Variants in DDX4 observed in about 807,000 individuals in gnomAD.
The protein encoded by DDX4 is probable ATP-dependent RNA helicase DDX4.
In DDX4, 25 loss-of-function variants were observed where a neutral mutation model predicts 100.0. That is an observed-to-expected ratio of 0.25 (90% CI 0.18 to 0.35). The LOEUF (loss-of-function observed/expected upper bound fraction) is 0.35. Among genes scored for constraint, DDX4 ranks in the 10% least tolerant of loss-of-function variants. The pLI, the probability that DDX4 is intolerant of heterozygous loss-of-function variation, is 1.00. For synonymous variants in DDX4, 259 were observed against 275.7 expected, an observed-to-expected ratio of 0.94 and a Z score of 0.60; for missense variants, 635 against 882.4, an observed-to-expected ratio of 0.72 and a Z score of 3.55.
intron 9 of DDX4, among the ~76,000 whole-genome samples, chr5:55,781,361 G>A (rs1741900242): frequency 6.6e-6 from 1 of 152,222 alleles, no homozygotes; most frequent in Non-Finnish European, 1.5e-5. Flanking sequence ...CAGTTAATTT[G>A]AGGTGTGAAT....
chr5:55,778,443 A>G (rs1318902011), intron 7 of DDX4, among the ~76,000 whole-genome samples: 1 of 152,238 alleles, frequency 6.6e-6, no homozygotes, highest in Non-Finnish European at 1.5e-5. Context: ...TTCTCAGAAA[A>G]AATAATGAGT....
intron 17 of DDX4, among the ~76,000 whole-genome samples, chr5:55,794,357 T>TTC (rs1043275074): frequency 6.7e-6 from 1 of 149,968 alleles, no homozygotes; most frequent in African/African-American, 2.4e-5. Context: ...CTGGTTAATT[T>TTC]TTTTTTTTTT....
chr5:55,739,979 G>A (rs947253891), intron 2 of DDX4, among the ~76,000 whole-genome samples: 3 of 151,932 alleles, frequency 2.0e-5, no homozygotes, highest in South Asian at 2.1e-4. Flanking sequence ...GAGTTCAGGC[G>A]ACATTCTCAA....
intron 18 of DDX4, among the ~76,000 whole-genome samples, chr5:55,799,487 C>T (rs1743169375): frequency 6.6e-6 from 1 of 152,148 alleles, no homozygotes. Context: ...GCAGTTCTTC[C>T]ACGTCAGTCC....
At chr5:55,789,956 A>T (rs946065792) in intron 15 of DDX4, among the ~76,000 whole-genome samples, 37 of 152,104 alleles carry the variant, frequency 2.4e-4, no homozygotes, top group African/African-American at 8.7e-4. Context: ...TTGGAAAAAC[A>T]TGTGGATTGC....
rs3990072 is a variant in DDX4, at chr5:55,796,823, C to CTTTTTTTTTTTTTT, written c.1470-1582_1470-1569dup. On this transcript the variant is annotated intron_variant, in intron 17 of 21. Transcript: ENST00000505374. Reference sequence around the variant, plus strand: ...TTTTCTTTTCTTTTTTTCTTTCTTTCTTTTTTTTTTTTTTTTTTTTTTTTT... The same window carrying CTTTTTTTTTTTTTT: ...TTTTCTTTTCTTTTTTTCTTTCTTTCTTTTTTTTTTTTTTTTTTTTTTTTTTTTTTTTTTTTTTT... Among the ~76,000 whole-genome samples, 45 of 59,942 alleles carry CTTTTTTTTTTTTTT rather than the reference C, an allele frequency of 7.5e-4. 7 individuals are homozygous for CTTTTTTTTTTTTTT. The highest frequency in any genetic ancestry group is 1.1e-3 in the Non-Finnish European group (35 of 30,912). 39.3% of individuals were successfully genotyped at this position (59,942 alleles called of 152,430 possible).
chr5:55,780,434 C>A (rs1162078384), intron 8 of DDX4, among the ~76,000 whole-genome samples: 1 of 152,122 alleles, frequency 6.6e-6, no homozygotes, highest in Non-Finnish European at 1.5e-5. Context: ...TAAATTTTTC[C>A]AGCCATCATT....
chr5:55,776,558 A>T (rs1441706425), intron 7 of DDX4, among the ~76,000 whole-genome samples: 1 of 152,238 alleles, frequency 6.6e-6, no homozygotes, highest in African/African-American at 2.4e-5. Flanking sequence ...CTTTAGAAGA[A>T]CATTATATTC....
chr5:55,798,714 T>A (rs1050171472), intron 18 of DDX4, 143 bp downstream of exon 18: 76 of 647,668 alleles, frequency 1.2e-4, no homozygotes, highest in Non-Finnish European at 1.7e-4. Context: ...TTATAAAAAA[T>A]TTTATGATTC....
chr5:55,740,536 C>T (rs1758919166), intron 2 of DDX4, among the ~76,000 whole-genome samples: 2 of 144,620 alleles, frequency 1.4e-5, no homozygotes, highest in Non-Finnish European at 3.0e-5. Context: ...GATGGAGTCT[C>T]ACTCTATTGC....
intron 16 of DDX4, among the ~76,000 whole-genome samples, chr5:55,792,345 TA>T (rs1470685964): frequency 2.0e-5 from 3 of 151,420 alleles, no homozygotes; most frequent in East Asian, 3.9e-4. Flanking sequence ...AACAGTATTT[TA>T]TTTTTTTTTA....
chr5:55,738,827 TTGGGGTATCAGCACC>T, intron 1 of DDX4, 108 bp from the exon 2 acceptor site: 1 of 674,364 alleles, frequency 1.5e-6, no homozygotes, highest in South Asian at 1.7e-5. Flanking sequence ...GAAAAAACTT[TTGGGGTATCAGCACC>T]TAGTTGGGTA....
intron 18 of DDX4, among the ~76,000 whole-genome samples, chr5:55,808,812 G>A (rs181298944): frequency 3.0e-4 from 46 of 152,344 alleles, no homozygotes; most frequent in African/African-American, 6.5e-4. Context: ...GTCTGGCTGC[G>A]TGCTGGGAGA....
intron 15 of DDX4, 48 bp downstream of exon 15, chr5:55,788,048 T>C (rs748838200): frequency 1.3e-6 from 2 of 1,504,574 alleles, no homozygotes; most frequent in East Asian, 4.6e-5. Flanking sequence ...TCTTTAGAGA[T>C]TTTTTTCCCC....
intron 9 of DDX4, 40 bp downstream of exon 9, chr5:55,781,186 G>GT: frequency 6.6e-7 from 1 of 1,505,078 alleles, no homozygotes. Context: ...AGTTACTGAT[G>GT]TATGTTTTTA....
At chr5:55,807,217 T>G in intron 18 of DDX4, among the ~76,000 whole-genome samples, 1 of 152,212 alleles carries the variant, frequency 6.6e-6, no homozygotes, top group East Asian at 1.9e-4. Flanking sequence ...TATGTGTGGC[T>G]CTGCACATGA....
At chr5:55,747,708 G>C (rs1469943908) in intron 3 of DDX4, among the ~76,000 whole-genome samples, 1 of 152,138 alleles carries the variant, frequency 6.6e-6, no homozygotes, top group Non-Finnish European at 1.5e-5. Flanking sequence ...CTGGAACTCT[G>C]TACTCATTGA....
chr5:55,770,722 T>C (rs1320281324), intron 7 of DDX4, among the ~76,000 whole-genome samples: 1 of 152,174 alleles, frequency 6.6e-6, no homozygotes, highest in Non-Finnish European at 1.5e-5. Flanking sequence ...GAGGGAAGAC[T>C]GTCTCCTTAA....
At chr5:55,782,095 CTG>C in intron 10 of DDX4, 114 bp downstream of exon 10, 4 of 1,220,234 alleles carry the variant, frequency 3.3e-6, no homozygotes, top group Non-Finnish European at 4.7e-6. Flanking sequence ...TTAAAGGTAA[CTG>C]TTATTGCTTT....
Sources: gnomAD v4.1 joint callset for allele counts (sites outside exome capture counted in the v4.1 genomes callset) on GRCh38, gnomAD v4.1.1 for gene constraint, MANE v1.5 for transcripts, NCBI Gene and HGNC (gene_info 2026-07-23, HGNC 2026-07-21) for gene names.